The following ADGRL3 variants were observed in gnomAD, a reference collection of about 807,000 sequenced individuals.
The protein encoded by ADGRL3 is calcium-independent alpha-latrotoxin receptor 3.
ADGRL3 carries 62 observed loss-of-function variants against 153.5 expected under a neutral mutation model. The ratio of observed to expected loss-of-function variants is 0.40; its 90% CI spans 0.33 to 0.50. The LOEUF (loss-of-function observed/expected upper bound fraction) is 0.50, where lower values mean the gene tolerates loss of function less well. Among genes scored for constraint, ADGRL3 ranks in the 20% least tolerant of loss-of-function variants. ADGRL3 has a pLI of 0.47. For synonymous variants in ADGRL3, 710 were observed against 672.5 expected, an observed-to-expected ratio of 1.06 and a Z score of -0.86; for missense variants, 1,641 against 1,859.4, an observed-to-expected ratio of 0.88 and a Z score of 2.16.
At chr4:61,905,225 A>G (rs1180361178) in intron 11 of ADGRL3, among the ~76,000 whole-genome samples, 3 of 152,138 alleles carry the variant, frequency 2.0e-5, no homozygotes, top group Non-Finnish European at 2.9e-5. Flanking sequence ...TCAGATATCT[A>G]GACTTCTTGA....
intron 5 of ADGRL3, among the ~76,000 whole-genome samples, chr4:61,616,989 T>G (rs1304057182): frequency 6.6e-6 from 1 of 152,122 alleles, no homozygotes; most frequent in African/African-American, 2.4e-5. Context: ...TTCTTAATAT[T>G]TATACAAGAT....
chr4:61,390,000 A>G (rs1349120966), intron 2 of ADGRL3, among the ~76,000 whole-genome samples: 2 of 152,202 alleles, frequency 1.3e-5, no homozygotes, highest in Non-Finnish European at 2.9e-5. Flanking sequence ...TCCCTCCAAA[A>G]CAAAAATAAA....
intron 9 of ADGRL3, among the ~76,000 whole-genome samples, chr4:61,871,218 C>T (rs1024270749): frequency 2.6e-5 from 4 of 151,098 alleles, no homozygotes; most frequent in Non-Finnish European, 4.4e-5. Context: ...GCGGAGCTTG[C>T]AGTGAGCAGA....
chr4:61,538,711 G>A (rs2098672397), intron 4 of ADGRL3, among the ~76,000 whole-genome samples: 1 of 152,050 alleles, frequency 6.6e-6, no homozygotes, highest in Non-Finnish European at 1.5e-5. Context: ...CAAAGTGCTG[G>A]GATTACAGAC....
intron 1 of ADGRL3, among the ~76,000 whole-genome samples, chr4:61,245,989 T>C (rs1756911496): frequency 6.6e-6 from 1 of 152,090 alleles, no homozygotes; most frequent in Non-Finnish European, 1.5e-5. Context: ...CACAGTTTGT[T>C]AGCATCTGAT....
intron 2 of ADGRL3, among the ~76,000 whole-genome samples, chr4:61,462,915 G>C (rs1316127077): frequency 1.3e-5 from 2 of 152,154 alleles, no homozygotes; most frequent in African/African-American, 4.8e-5. Context: ...GGCCTAGTCA[G>C]AACTGTTTCA....
At chr4:61,224,466 C>A (rs1747018000) in intron 1 of ADGRL3, among the ~76,000 whole-genome samples, 1 of 152,098 alleles carries the variant, frequency 6.6e-6, no homozygotes, top group African/African-American at 2.4e-5. Flanking sequence ...CATTATGTAT[C>A]TTTATGTTTT....
intron 21 of ADGRL3, among the ~76,000 whole-genome samples, chr4:62,016,213 T>A (rs2099210893): frequency 6.6e-6 from 1 of 152,078 alleles, no homozygotes; most frequent in Admixed American, 6.6e-5. Flanking sequence ...CATGCCCAGC[T>A]AATTTTTGTA....
At chr4:61,825,713 C>T (rs371249792) in intron 9 of ADGRL3, among the ~76,000 whole-genome samples, 1 of 152,088 alleles carries the variant, frequency 6.6e-6, no homozygotes, top group Admixed American at 6.6e-5. Context: ...GCATCTTATG[C>T]ATGGGTTAAA....
chr4:61,818,057 C>G (rs1011287657), intron 9 of ADGRL3, among the ~76,000 whole-genome samples: 1 of 152,130 alleles, frequency 6.6e-6, no homozygotes, highest in Non-Finnish European at 1.5e-5. Flanking sequence ...CCCCTAAAGT[C>G]TTAACTCATT....
chr4:61,343,372 C>T (rs964403189), intron 1 of ADGRL3, among the ~76,000 whole-genome samples: 1 of 152,064 alleles, frequency 6.6e-6, no homozygotes, highest in Non-Finnish European at 1.5e-5. Context: ...TATTAGGTTC[C>T]TGGGTCATCC....
intron 4 of ADGRL3, among the ~76,000 whole-genome samples, chr4:61,528,042 T>C (rs335305): frequency 0.42 from 63,591 of 151,888 alleles, 13,809 homozygotes; most frequent in Non-Finnish European, 0.47. Flanking sequence ...TGTAATTTAG[T>C]GATTAAGAAG....
At chr4:61,251,829 A>T (rs777520146) in intron 1 of ADGRL3, among the ~76,000 whole-genome samples, 2 of 145,496 alleles carry the variant, frequency 1.4e-5, no homozygotes, top group African/African-American at 5.1e-5. Flanking sequence ...AAGCAGTGAT[A>T]CTTTATTTTT....
rs533472512 is a variant in ADGRL3 at position 61,229,642 on chromosome 4, G to T, written c.-240+27877G>T. On this transcript the variant is annotated intron_variant, in intron 1 of 26. Transcript: ENST00000683033. ...CCTGTGAGTCAAAACTTTAGGCTGGGCATGGTGGCTTATGACTATAATTCC... is the reference window on the plus strand; with the variant it reads ...CCTGTGAGTCAAAACTTTAGGCTGGTCATGGTGGCTTATGACTATAATTCC... Among the ~76,000 whole-genome samples the T allele has an allele frequency of 7.0e-4, 107 of 152,050 alleles. 3 individuals are homozygous for T. The highest frequency in any genetic ancestry group is 1.9e-4 in the Non-Finnish European group (13 of 68,030).
chr4:61,302,226 G>A (rs1049125775), intron 1 of ADGRL3, among the ~76,000 whole-genome samples: 5 of 151,964 alleles, frequency 3.3e-5, no homozygotes, highest in Admixed American at 2.6e-4. Flanking sequence ...GGGTGATGAT[G>A]GGCAATAATA....
rs200955028 is a variant in ADGRL3 at position 61,363,891 on chromosome 4, AG to A, written c.-239-19232del. Among the ~76,000 whole-genome samples the A allele has an allele frequency of 5.0e-3, 755 of 152,298 alleles. 4 individuals are homozygous for A. Among genetic ancestry groups the A allele is most frequent in the African/African-American group, 0.016 (656 of 41,578 alleles). On this transcript the variant is annotated intron_variant, in intron 1 of 26. Coordinates refer to ENST00000683033, the MANE Select transcript of ADGRL3 (RefSeq NM_001387552.1). Reference sequence around the variant, plus strand: ...TAAGAGGTAGAATTTGTAATCGAGCAGCCTGTGTCCAGAGCACGCACCTTTT... The same window carrying A: ...TAAGAGGTAGAATTTGTAATCGAGCACCTGTGTCCAGAGCACGCACCTTTT...
chr4:61,531,200 A>G (rs939769267), intron 4 of ADGRL3, among the ~76,000 whole-genome samples: 1 of 152,224 alleles, frequency 6.6e-6, no homozygotes, highest in Non-Finnish European at 1.5e-5. Flanking sequence ...GTGTATACGC[A>G]TACATGTTCT....
Position 61,453,541 on chromosome 4 carries a change from G to A in ADGRL3, c.-173-43580G>A, listed in dbSNP as rs1334350219. ...TTATTTATTTATTTTTTTAATAGGC[G>A]CTGTATGGGTTAAAATCAAAACAAT... On this transcript the variant is annotated intron_variant, in intron 2 of 26. Coordinates refer to ENST00000683033, the MANE Select transcript of ADGRL3 (RefSeq NM_001387552.1). 1.3e-4 allele frequency among the ~76,000 whole-genome samples: 19 copies of A among 151,904 alleles called. No homozygotes were observed. In the East Asian group the frequency reaches 2.7e-3, roughly 22 times the overall value.
At chr4:61,793,748 ATAAAG>A (rs2097372564) in intron 8 of ADGRL3, among the ~76,000 whole-genome samples, 1 of 152,212 alleles carries the variant, frequency 6.6e-6, no homozygotes, top group Admixed American at 6.5e-5. Flanking sequence ...ACGATAAGTT[ATAAAG>A]TATAGTTTAT....
Sources: allele counts gnomAD v4.1 joint callset (sites outside exome capture counted in the v4.1 genomes callset), GRCh38; gene constraint gnomAD v4.1.1; transcripts MANE v1.5; gene names NCBI Gene and HGNC (gene_info 2026-07-23, HGNC 2026-07-21).